CDC7: variants seen among roughly 807,000 people sequenced by gnomAD.
CDC7 encodes the protein cell division cycle 7.
CDC7 carries 34 observed loss-of-function variants against 53.5 expected under a neutral mutation model. That is an observed-to-expected ratio of 0.64 (90% CI 0.48 to 0.85). The LOEUF is 0.85. CDC7 is among the 40% of genes least tolerant of loss of function. The probability of loss-of-function intolerance (pLI) is 0.00; values close to 1 mark genes in which losing one functional copy is unlikely to be tolerated. For synonymous variants in CDC7, 211 were observed against 222.8 expected, an observed-to-expected ratio of 0.95 and a Z score of 0.47; for missense variants, 594 against 679.7, an observed-to-expected ratio of 0.87 and a Z score of 1.40.
In CDC7 at chr1:91,508,246, A is replaced by G. The variant is rs755708401; in HGVS notation, c.200-16A>G. ...TAAAAACCAGATATTGAAAAATTTA[A>G]TAAATTGTTTTACAGGCACTTTCAG... On this transcript the variant is annotated splice_polypyrimidine_tract_variant and intron_variant, in intron 3 of 11. Coordinates refer to ENST00000234626, the MANE Select transcript of CDC7 (RefSeq NM_003503.4). 4.5e-6 allele frequency: 7 copies of G among 1,566,486 alleles called. No homozygotes were observed. The highest frequency in any genetic ancestry group is 6.0e-6 in the Non-Finnish European group (7 of 1,161,434).
rs776300794 is a variant in CDC7, at chr1:91,513,314, T to C, written c.822+7T>C. 1.2e-6 allele frequency: 2 copies of C among 1,610,198 alleles called. No individual in the cohort carries two copies. The highest frequency in any genetic ancestry group is 1.1e-5 in the South Asian group (1 of 90,908). ...ACAAGGAAAAGACGGAAAGGTTCTA[T>C]CTCTTTTATTTCTTAAGTACCGACA... On this transcript the variant is annotated splice_region_variant and intron_variant, in intron 7 of 11. Transcript: ENST00000234626.
intron 11 of CDC7, among the ~76,000 whole-genome samples, chr1:91,522,157 C>G (rs1667984829): frequency 6.6e-6 from 1 of 152,096 alleles, no homozygotes; most frequent in South Asian, 2.1e-4. Context: ...GAGCAAGACT[C>G]TGTCTCAAAA....
At chr1:91,503,820 A>G (rs981939864) in intron 2 of CDC7, among the ~76,000 whole-genome samples, 2 of 152,124 alleles carry the variant, frequency 1.3e-5, no homozygotes, top group Admixed American at 1.3e-4. Flanking sequence ...TAGAAACTAA[A>G]TTGGGATCTT....
chr1:91,514,779 A>C, intron 8 of CDC7, 40 bp from the exon 9 acceptor site: 1 of 1,468,538 alleles, frequency 6.8e-7, no homozygotes. Flanking sequence ...CATCATGTTT[A>C]ATATCATGAA....
intron 11 of CDC7, among the ~76,000 whole-genome samples, chr1:91,521,492 T>C (rs1275671513): frequency 1.3e-5 from 2 of 152,206 alleles, no homozygotes; most frequent in African/African-American, 4.8e-5. Flanking sequence ...TGTAACTATC[T>C]TGTACTTATT....
chr1:91,524,346 C>G lies in CDC7; in HGVS notation c.1636C>G (p.Leu546Val). The G allele has an allele frequency of 6.2e-7, 1 of 1,613,446 alleles. No homozygotes were observed. Among genetic ancestry groups the G allele is most frequent in the South Asian group, 1.1e-5 (1 of 91,064 alleles). Residue 546 changes from leucine (L) to valine (V), a missense_variant, in exon 12 of 12, where the codon CTT (leucine) becomes GTT (valine). By Grantham distance (32) the Leu-to-Val change is conservative. Transcript: ENST00000234626. The part of the protein sequence containing the change: ...NEVPDEAYDL[L>V]DKLLDLNPAS... ...GGTACCTGATGAAGCTTATGACCTG[C>G]TTGATAAACTTCTAGATCTAAATCC... is the stretch of plus-strand genomic sequence containing the variant.
chr1:91,518,525 G>A (rs999368720), intron 10 of CDC7, among the ~76,000 whole-genome samples: 1 of 152,120 alleles, frequency 6.6e-6, no homozygotes, highest in Non-Finnish European at 1.5e-5. Flanking sequence ...AGAAAATGTG[G>A]TACTTACACA....
chr1:91,524,479 AAAAG>A lies in CDC7; in HGVS notation c.*47_*50del, dbSNP rs771749189. ...TGTTTACTGTTATGAGGTAGAATAA[AAAAG>A]AATACTTTGTAATAGCCACAAGTTC... On this transcript the variant is annotated 3_prime_UTR_variant, in exon 12 of 12. Coordinates refer to ENST00000234626, the MANE Select transcript of CDC7 (RefSeq NM_003503.4). 1.5e-4 allele frequency: 210 copies of A among 1,435,626 alleles called. 1 individual carries two copies. The highest frequency in any genetic ancestry group is 1.9e-4 in the Non-Finnish European group (200 of 1,059,646). 88.9% of individuals were successfully genotyped at this position (1,435,626 alleles called of 1,614,324 possible). A position where few individuals can be genotyped will look rare whatever the true frequency, so the allele number is the denominator to read the frequency against.
chr1:91,518,059 A>C (rs1182645862), intron 10 of CDC7, among the ~76,000 whole-genome samples: 1 of 128,654 alleles, frequency 7.8e-6, no homozygotes, highest in Non-Finnish European at 1.6e-5. Flanking sequence ...GCACCATTGC[A>C]CTCCAGCCTG....
chr1:91,525,650 T>TA lies in CDC7; in HGVS notation c.*1217dup, dbSNP rs1362443088. On this transcript the variant is annotated 3_prime_UTR_variant, in exon 12 of 12. Coordinates refer to ENST00000234626, the MANE Select transcript of CDC7 (RefSeq NM_003503.4). ...CAGTATATCTACCTAATCTGTTTGG[T>TA]AAGTATAGGATATATAAACCATTAC... is the stretch of plus-strand genomic sequence containing the variant. 6.6e-6 allele frequency: 1 copy of TA among 152,066 alleles called. No individual in the cohort carries two copies. The highest frequency in any genetic ancestry group is 1.5e-5 in the Non-Finnish European group (1 of 67,956). The allele number at this position is 152,066 out of a possible 1,614,324, so 9.4% of individuals were successfully genotyped here. A position where few individuals can be genotyped will look rare whatever the true frequency, so the allele number is the denominator to read the frequency against.
chr1:91,515,012 T>A lies in CDC7; in HGVS notation c.1097+15T>A. ...TGCCTTTCAAGGTAATGTGTTTTGATGGTGTTATAAAATCACCAGCATGCT... is the reference window on the plus strand; with the variant it reads ...TGCCTTTCAAGGTAATGTGTTTTGAAGGTGTTATAAAATCACCAGCATGCT... On this transcript the variant is annotated intron_variant, in intron 9 of 11. Transcript: ENST00000234626. The A allele has an allele frequency of 6.2e-7, 1 of 1,601,646 alleles. No homozygotes were observed. Among genetic ancestry groups the A allele is most frequent in the Non-Finnish European group, 8.5e-7 (1 of 1,174,764 alleles).
chr1:91,508,615 C>G (rs749863733), intron 4 of CDC7, among the ~76,000 whole-genome samples: 2 of 152,094 alleles, frequency 1.3e-5, no homozygotes, highest in African/African-American at 4.8e-5. Context: ...ACCTGATTTC[C>G]TGTCTTTTAT....
In CDC7 at chr1:91,524,188, C is replaced by A. The variant is rs200149584; in HGVS notation, c.1478C>A (p.Thr493Asn). The A allele has an allele frequency of 1.9e-6, 3 of 1,613,926 alleles. No individual in the cohort carries two copies. Among genetic ancestry groups the A allele is most frequent in the Non-Finnish European group, 2.5e-6 (3 of 1,179,962 alleles). The change falls in exon 12 of 12, where the codon ACT becomes AAT. Residue 493 changes from threonine (T) to asparagine (N), a missense_variant. Physicochemically the swap from Thr to Asn is moderately conservative, Grantham distance 65 (BLOSUM62 0). Coordinates refer to ENST00000234626, the MANE Select transcript of CDC7 (RefSeq NM_003503.4). ...ASHQPAISEKTDHKASCLVQT... is the reference protein window; with the variant it reads ...ASHQPAISEKNDHKASCLVQT... ...CATCAACCAGCTATTTCAGAGAAGA[C>A]TGACCATAAAGCTTCTTGCCTCGTT...
intron 2 of CDC7, among the ~76,000 whole-genome samples, chr1:91,506,086 T>TA (rs1195134529): frequency 6.6e-6 from 1 of 152,182 alleles, no homozygotes; most frequent in African/African-American, 2.4e-5. Flanking sequence ...CATAGTTTAG[T>TA]AACCTCAAAC....
intron 11 of CDC7, 36 bp downstream of exon 11, chr1:91,520,315 C>T: frequency 6.8e-7 from 1 of 1,462,514 alleles, no homozygotes; most frequent in Non-Finnish European, 9.2e-7. Context: ...AAACAAAATG[C>T]CTTTGATTAT....
intron 11 of CDC7, among the ~76,000 whole-genome samples, chr1:91,521,959 GACCGAGACCAT>G (rs751112121): frequency 5.3e-5 from 8 of 152,084 alleles, no homozygotes; most frequent in African/African-American, 1.2e-4. Context: ...GAGGTCAGGA[GACCGAGACCAT>G]CCTGGCCAAC....
chr1:91,511,527 T>A, intron 4 of CDC7, 70 bp from the exon 5 acceptor site: 1 of 1,004,836 alleles, frequency 1.0e-6, no homozygotes, highest in Non-Finnish European at 1.5e-6. Context: ...TTGCGGTTTT[T>A]AAAATTAGGC....
At chr1:91,505,427 A>G (rs1377907128) in intron 2 of CDC7, among the ~76,000 whole-genome samples, 2 of 152,330 alleles carry the variant, frequency 1.3e-5, no homozygotes, top group East Asian at 1.9e-4. Context: ...CCGACTGGCT[A>G]CTATGTTACA....
chr1:91,500,860 G>C lies in CDC7; in HGVS notation c.-152G>C, dbSNP rs1030053032. The C allele has an allele frequency of 3.3e-5, 5 of 152,280 alleles. No homozygotes were observed. Among genetic ancestry groups the C allele is most frequent in the African/African-American group, 7.2e-5 (3 of 41,466 alleles). 9.4% of individuals were successfully genotyped at this position (152,280 alleles called of 1,614,324 possible). ...AGCGGCGGCGGGAAGTGTTGCGCAG[G>C]CGCATCCGATCGACTCGGTAGGTGG... On this transcript the variant is annotated 5_prime_UTR_variant, in exon 1 of 12. Transcript: ENST00000234626.
Sources: allele counts gnomAD v4.1 joint callset (sites outside exome capture counted in the v4.1 genomes callset), GRCh38; gene constraint gnomAD v4.1.1; transcripts MANE v1.5; gene names NCBI Gene and HGNC (gene_info 2026-07-23, HGNC 2026-07-21).